SEMA5A: variants seen among roughly 807,000 people sequenced by gnomAD.
SEMA5A encodes semaphorin-5A.
In SEMA5A, 55 loss-of-function variants were observed where a neutral mutation model predicts 135.5. The observed-to-expected ratio is 0.41, with a 90% CI of 0.33 to 0.51. The LOEUF is 0.51. Ranked by LOEUF, SEMA5A falls within the 20% of genes least tolerant of loss-of-function variation. The pLI, the probability that SEMA5A is intolerant of heterozygous loss-of-function variation, is 0.37. For synonymous variants in SEMA5A, 580 were observed against 546.5 expected, an observed-to-expected ratio of 1.06 and a Z score of -0.85; for missense variants, 1,290 against 1,419.9, an observed-to-expected ratio of 0.91 and a Z score of 1.47.
chr5:9,383,212 G>T (rs1213671575), intron 2 of SEMA5A, among the ~76,000 whole-genome samples: 1 of 152,184 alleles, frequency 6.6e-6, no homozygotes, highest in African/African-American at 2.4e-5. Flanking sequence ...CCAGTCCAAA[G>T]GTAACAAGAT....
chr5:9,225,595 A>G (rs973103239), intron 7 of SEMA5A, among the ~76,000 whole-genome samples: 1 of 151,254 alleles, frequency 6.6e-6, no homozygotes, highest in Non-Finnish European at 1.5e-5. Context: ...AATTATGTAT[A>G]ATTCTATCAA....
At chr5:9,167,178 G>A (rs372292104) in intron 11 of SEMA5A, among the ~76,000 whole-genome samples, 11 of 152,228 alleles carry the variant, frequency 7.2e-5, no homozygotes, top group Admixed American at 1.3e-4. Flanking sequence ...CACCAATTAC[G>A]ACTAGTGCCT....
At chr5:9,189,443 T>G (rs1744980598) in intron 11 of SEMA5A, among the ~76,000 whole-genome samples, 1 of 143,178 alleles carries the variant, frequency 7.0e-6, no homozygotes, top group South Asian at 2.3e-4. Flanking sequence ...AATATGTAAC[T>G]AGGAATTGAG....
intron 7 of SEMA5A, among the ~76,000 whole-genome samples, chr5:9,225,281 C>G (rs1030673609): frequency 5.3e-5 from 8 of 149,992 alleles, no homozygotes; most frequent in African/African-American, 1.7e-4. Context: ...TGCCTGGGCA[C>G]AGTGGCTCAC....
chr5:9,119,572 T>C (rs988947614), intron 14 of SEMA5A, among the ~76,000 whole-genome samples: 1 of 152,176 alleles, frequency 6.6e-6, no homozygotes, highest in Non-Finnish European at 1.5e-5. Flanking sequence ...TTGGACAAAA[T>C]GCTCATCTAA....
rs556482116 is a variant in SEMA5A, at chr5:9,069,628, G to C, written c.2074-2982C>G. 2.0e-5 allele frequency among the ~76,000 whole-genome samples: 3 copies of C among 152,050 alleles called. No homozygotes were observed. The East Asian group carries it at 5.8e-4, about 29-fold the overall frequency. ...ACAGCGGATAACACTCAGGATTTTT[G>C]TGACATCATAGGCTTTTAACAGAAA... On this transcript the variant is annotated intron_variant, in intron 16 of 22. Coordinates refer to ENST00000382496, the MANE Select transcript of SEMA5A (RefSeq NM_003966.3).
Position 9,119,052 on chromosome 5 carries a change from T to C in SEMA5A, c.1871A>G (p.Asn624Ser). Residue 624 changes from asparagine to serine, a missense_variant, in exon 15 of 23, where the codon AAC becomes AGC. This residue lies in a region of SEMA5A where 1,029 missense variants were observed against 1,086.6 expected (regional missense o/e 0.95). Coordinates refer to ENST00000382496, the MANE Select transcript of SEMA5A (RefSeq NM_003966.3). ...CCGGCCCCCGTGCCTGGGAGTGGGG[T>C]TGCTGCAGGAGCGCTGCCGCACCTG... ...GFQVRQRSCS[N>S]PTPRHGGRVC... 1 of 1,613,550 alleles carries C rather than the reference T, an allele frequency of 6.2e-7. No individual in the cohort carries two copies. Among genetic ancestry groups the C allele is most frequent in the Non-Finnish European group, 8.5e-7 (1 of 1,179,916 alleles).
At position 9,294,447 on chromosome 5, in the gene SEMA5A, G is replaced by A. The variant is rs143360256; in HGVS notation, c.270+23925C>T. Among the ~76,000 whole-genome samples, 404 of 152,278 alleles carry A rather than the reference G, an allele frequency of 2.7e-3. 1 individual carries two copies. Among genetic ancestry groups the A allele is most frequent in the African/African-American group, 9.4e-3 (392 of 41,540 alleles). On this transcript the variant is annotated intron_variant, in intron 5 of 22. Transcript: ENST00000382496. ...GCCACGAGATGGATGCTAAAACCCT[G>A]TTCCTTCCTGGATTCCCCTGCCTGC...
At position 9,205,796 on chromosome 5, in the gene SEMA5A, C is replaced by T. The variant is rs555343908; in HGVS notation, c.647-3556G>A. ...TGCATTTGGAAACACATCATGCGGC[C>T]CTACACTGATCCTTCAGGATGAGGG... On this transcript the variant is annotated intron_variant, in intron 8 of 22. Coordinates refer to ENST00000382496, the MANE Select transcript of SEMA5A (RefSeq NM_003966.3). Among the ~76,000 whole-genome samples, 3 of 152,216 alleles carry T rather than the reference C, an allele frequency of 2.0e-5. No individual in the cohort carries two copies. The South Asian group carries it at 6.2e-4, about 32-fold the overall frequency.
chr5:9,531,835 A>G lies in SEMA5A; in HGVS notation c.-175+13749T>C, dbSNP rs148465161. On this transcript the variant is annotated intron_variant, in intron 1 of 22. Transcript: ENST00000382496. ...CCTGCTTCATAGACCAAATACTACC[A>G]TTTACCCTAGTATCTTTGCTGGAGC... Among the ~76,000 whole-genome samples the G allele has an allele frequency of 7.3e-4, 111 of 152,276 alleles. No homozygotes were observed. In the East Asian group the frequency reaches 0.02, roughly 27 times the overall value.
intron 16 of SEMA5A, among the ~76,000 whole-genome samples, chr5:9,088,905 A>G (rs1738878194): frequency 6.6e-6 from 1 of 152,084 alleles, no homozygotes; most frequent in East Asian, 1.9e-4. Context: ...TGGCCTGTAT[A>G]CTAGCCACAT....
At position 9,170,365 on chromosome 5, in the gene SEMA5A, C is replaced by G. The variant is rs1743849437; in HGVS notation, c.1274-15670G>C. Among the ~76,000 whole-genome samples, 3 of 152,146 alleles carry G rather than the reference C, an allele frequency of 2.0e-5. No individual in the cohort carries two copies. In the South Asian group the frequency reaches 6.2e-4, roughly 32 times the overall value. On this transcript the variant is annotated intron_variant, in intron 11 of 22. Coordinates refer to ENST00000382496, the MANE Select transcript of SEMA5A (RefSeq NM_003966.3). ...TGTCACTAGTACTTTGTGCCATACT[C>G]CACTACCCAACATGTACATGTTATA... is the stretch of plus-strand genomic sequence containing the variant.
At chr5:9,507,668 C>T (rs1579652945) in intron 1 of SEMA5A, among the ~76,000 whole-genome samples, 1 of 152,022 alleles carries the variant, frequency 6.6e-6, no homozygotes, top group East Asian at 1.9e-4. Flanking sequence ...TCGTGCTCTA[C>T]CCTAGAGGCA....
intron 1 of SEMA5A, among the ~76,000 whole-genome samples, chr5:9,444,274 C>T (rs928650854): frequency 1.3e-5 from 2 of 151,556 alleles, no homozygotes; most frequent in East Asian, 1.9e-4. Context: ...CTTGTAAGAT[C>T]TTGGTGCACC....
chr5:9,047,813 G>T (rs1309823432), intron 21 of SEMA5A, among the ~76,000 whole-genome samples: 1 of 152,170 alleles, frequency 6.6e-6, no homozygotes, highest in Non-Finnish European at 1.5e-5. Context: ...GAATATCTCA[G>T]AATAGTTCAA....
intron 12 of SEMA5A, among the ~76,000 whole-genome samples, chr5:9,143,148 C>T (rs758112146): frequency 9.9e-5 from 15 of 152,100 alleles, no homozygotes; most frequent in South Asian, 4.1e-4. Context: ...AGAGTTATAT[C>T]GTGCTAGACA....
chr5:9,163,228 A>G (rs1743392204), intron 11 of SEMA5A, among the ~76,000 whole-genome samples: 1 of 152,010 alleles, frequency 6.6e-6, no homozygotes, highest in African/African-American at 2.4e-5. Flanking sequence ...ACAGGGAAAC[A>G]GACGATGAAA....
intron 18 of SEMA5A, among the ~76,000 whole-genome samples, chr5:9,056,285 A>T (rs1299160229): frequency 6.6e-6 from 1 of 152,230 alleles, no homozygotes; most frequent in Non-Finnish European, 1.5e-5. Context: ...GTATCACCTC[A>T]CACCTGCCAA....
At chr5:9,097,932 G>A (rs1416266662) in intron 16 of SEMA5A, among the ~76,000 whole-genome samples, 6 of 152,180 alleles carry the variant, frequency 3.9e-5, no homozygotes, top group Non-Finnish European at 8.8e-5. Flanking sequence ...TAAGTTGGCT[G>A]GATAGCCAAA....
Sources: gnomAD v4.1 joint callset for allele counts (sites outside exome capture counted in the v4.1 genomes callset) on GRCh38, gnomAD v4.1.1 for gene constraint, gnomAD v4.1.1 regional missense constraint, MANE v1.5 for transcripts, NCBI Gene and HGNC (gene_info 2026-07-23, HGNC 2026-07-21) for gene names.